RIMBP2: variants seen among roughly 807,000 people sequenced by gnomAD.
RIMBP2 encodes RIMS binding protein 2, also known as RIMS-binding protein 2.
In RIMBP2, 48 loss-of-function variants were observed where a neutral mutation model predicts 118.6. That is an observed-to-expected ratio of 0.40 (90% confidence interval 0.32 to 0.51). The LOEUF (loss-of-function observed/expected upper bound fraction) is 0.51. Ranked by LOEUF, RIMBP2 falls within the 20% of genes least tolerant of loss-of-function variation. The probability of loss-of-function intolerance (pLI) is 0.41; values close to 1 mark genes in which losing one functional copy is unlikely to be tolerated. For missense variants in RIMBP2, 1,551 were observed against 1,768.3 expected, an observed-to-expected ratio of 0.88 and a Z score of 2.20; for synonymous variants, 762 against 742.9, an observed-to-expected ratio of 1.03 and a Z score of -0.42.
intron 4 of RIMBP2, among the ~76,000 whole-genome samples, chr12:130,496,075 C>A (rs1032289176): frequency 1.3e-5 from 2 of 152,180 alleles, no homozygotes; most frequent in Non-Finnish European, 2.9e-5. Flanking sequence ...TACGTCCGTG[C>A]CTGTAGCCAT....
At chr12:130,645,802 C>G (rs2062845576) in intron 1 of RIMBP2, among the ~76,000 whole-genome samples, 1 of 152,180 alleles carries the variant, frequency 6.6e-6, no homozygotes, top group Admixed American at 6.5e-5. Flanking sequence ...ATTTAAGCCA[C>G]TTGGAGATGC....
intron 2 of RIMBP2, among the ~76,000 whole-genome samples, chr12:130,548,988 C>T (rs1441928442): frequency 6.6e-6 from 1 of 152,170 alleles, no homozygotes; most frequent in African/African-American, 2.4e-5. Context: ...GTGAAACTGA[C>T]TCTGTGCCAA....
chr12:130,706,129 TG>T (rs1244738176), intron 1 of RIMBP2, among the ~76,000 whole-genome samples: 1 of 152,222 alleles, frequency 6.6e-6, no homozygotes, highest in Non-Finnish European at 1.5e-5. Context: ...AGCTAATGTT[TG>T]TTGAACCCTC....
intron 1 of RIMBP2, among the ~76,000 whole-genome samples, chr12:130,678,343 G>A (rs2064599591): frequency 6.6e-6 from 1 of 152,244 alleles, no homozygotes; most frequent in African/African-American, 2.4e-5. Flanking sequence ...TGACAGAACT[G>A]AAGCATCCGT....
chr12:130,545,128 T>C (rs907845175), intron 2 of RIMBP2, among the ~76,000 whole-genome samples: 15 of 152,238 alleles, frequency 9.9e-5, no homozygotes, highest in Admixed American at 1.3e-4. Context: ...TATATATCAT[T>C]GTTTTTCAAG....
At chr12:130,664,447 G>GGGCATGCACA (rs1566439284) in intron 1 of RIMBP2, among the ~76,000 whole-genome samples, 1 of 122,414 alleles carries the variant, frequency 8.2e-6, no homozygotes, top group Non-Finnish European at 1.8e-5. Flanking sequence ...ACGCACACAC[G>GGGCATGCACA]CACACACATG....
chr12:130,488,617 T>C (rs943257557), intron 4 of RIMBP2, among the ~76,000 whole-genome samples: 5 of 152,230 alleles, frequency 3.3e-5, no homozygotes, highest in Non-Finnish European at 5.9e-5. Flanking sequence ...GAAACATCTA[T>C]AGAAAAATCA....
intron 1 of RIMBP2, among the ~76,000 whole-genome samples, chr12:130,673,011 G>A (rs1244833681): frequency 6.7e-6 from 1 of 148,948 alleles, no homozygotes; most frequent in Non-Finnish European, 1.5e-5. Context: ...GGAAACAAAG[G>A]AAGACCCAGA....
Position 130,451,310 on chromosome 12 carries a change from G to A in RIMBP2, c.389C>T (p.Ala130Val), listed in dbSNP as rs113895223. ...GQESAIGGSSAIGEYIRPLPQ... is the reference protein window; with the variant it reads ...GQESAIGGSSVIGEYIRPLPQ... ...AAGGGGCCGGATATATTCACCGATC[G>A]CAGAGCTGCCTCCAATAGCGCTCTC... Residue 130 changes from alanine to valine, a missense_variant, in exon 8 of 23, where the codon GCG becomes GTG. Ala to Val is a moderately conservative substitution (Grantham distance 64). Coordinates refer to ENST00000690449, the MANE Select transcript of RIMBP2 (RefSeq NM_001393629.1). The A allele has an allele frequency of 8.3e-5, 134 of 1,613,898 alleles. 2 individuals are homozygous for A. In the African/African-American group the frequency reaches 8.4e-4, roughly 10 times the overall value.
intron 2 of RIMBP2, among the ~76,000 whole-genome samples, chr12:130,535,253 C>T (rs1307035123): frequency 6.6e-6 from 1 of 152,060 alleles, no homozygotes; most frequent in African/African-American, 2.4e-5. Context: ...AATCCCAGTG[C>T]TTTGGGAGTC....
Position 130,526,029 on chromosome 12 carries a change from G to A in RIMBP2, c.-216-8112C>T, listed in dbSNP as rs535793565. 3.3e-5 allele frequency among the ~76,000 whole-genome samples: 5 copies of A among 152,150 alleles called. No homozygotes were observed. In the South Asian group the frequency reaches 6.2e-4, roughly 19 times the overall value. The stretch of plus-strand genomic sequence containing the variant: ...TTGCCTCTTATTCTCCTGAGGAAGA[G>A]CATCATCCAGCCACTCCCTTGGTCC... On this transcript the variant is annotated intron_variant, in intron 2 of 22. Transcript: ENST00000690449.
intron 21 of RIMBP2, among the ~76,000 whole-genome samples, chr12:130,405,308 AGAG>A (rs1362193459): frequency 6.6e-6 from 1 of 152,220 alleles, no homozygotes; most frequent in Non-Finnish European, 1.5e-5. Context: ...GAAACCAGGC[AGAG>A]GAGAGAGCCT....
intron 1 of RIMBP2, among the ~76,000 whole-genome samples, chr12:130,713,211 TAGGA>T (rs66952529): frequency 0.25 from 24,459 of 96,968 alleles, 3,400 homozygotes; most frequent in Non-Finnish European, 0.31. Context: ...GGAAGGAAGA[TAGGA>T]AGGAAGGAAG....
chr12:130,483,827 C>T (rs2082250430), intron 4 of RIMBP2, among the ~76,000 whole-genome samples: 1 of 147,336 alleles, frequency 6.8e-6, no homozygotes, highest in South Asian at 2.2e-4. Flanking sequence ...TGCCCGGAGC[C>T]CCGACCCTCA....
intron 4 of RIMBP2, among the ~76,000 whole-genome samples, chr12:130,479,328 A>T (rs1253531762): frequency 1.3e-5 from 2 of 152,242 alleles, no homozygotes; most frequent in Non-Finnish European, 2.9e-5. Flanking sequence ...GTTTTGAAAA[A>T]GTGAATCTCC....
At chr12:130,601,760 A>T (rs1317568696) in intron 2 of RIMBP2, among the ~76,000 whole-genome samples, 1 of 152,224 alleles carries the variant, frequency 6.6e-6, no homozygotes, top group Non-Finnish European at 1.5e-5. Flanking sequence ...ATGACAGGAG[A>T]ATTTGATCCT....
At chr12:130,603,019 A>C (rs1035288645) in intron 2 of RIMBP2, among the ~76,000 whole-genome samples, 2 of 152,154 alleles carry the variant, frequency 1.3e-5, no homozygotes, top group African/African-American at 4.8e-5. Context: ...CCACTTGTCA[A>C]TCTCGTAATT....
intron 2 of RIMBP2, among the ~76,000 whole-genome samples, chr12:130,570,639 C>T (rs1346256612): frequency 6.6e-6 from 1 of 152,116 alleles, no homozygotes; most frequent in Non-Finnish European, 1.5e-5. Flanking sequence ...AGACTGCCTG[C>T]TCTCTGCACT....
At chr12:130,436,508 A>G (rs961256346) in intron 13 of RIMBP2, among the ~76,000 whole-genome samples, 17 of 152,178 alleles carry the variant, frequency 1.1e-4, no homozygotes, top group African/African-American at 4.1e-4. Flanking sequence ...GGTTCAGGAA[A>G]GTGGGTCCTG....
Sources: gnomAD v4.1 joint callset for allele counts (sites outside exome capture counted in the v4.1 genomes callset) on GRCh38, gnomAD v4.1.1 for gene constraint, MANE v1.5 for transcripts, NCBI Gene and HGNC (gene_info 2026-07-23, HGNC 2026-07-21) for gene names.